Variants in SMG5 observed in about 807,000 individuals in gnomAD.
The protein encoded by SMG5 is SMG5 nonsense mediated mRNA decay factor, also known as nonsense-mediated mRNA decay factor SMG5.
A neutral mutation model predicts 122.9 loss-of-function variants in SMG5; 53 were observed. The observed-to-expected ratio is 0.43, with a 90% CI of 0.35 to 0.54. SMG5 has a LOEUF of 0.54. Among genes scored for constraint, SMG5 ranks in the 20% least tolerant of loss-of-function variants. The pLI, the probability that SMG5 is intolerant of heterozygous loss-of-function variation, is 0.01. For synonymous variants in SMG5, 477 were observed against 490.2 expected (o/e 0.97, Z 0.35); for missense variants, 1,153 against 1,285.6 (o/e 0.90, Z 1.58).
At chr1:156,260,414 AC>A in intron 15 of SMG5, 36 bp downstream of exon 15, 2 of 1,584,112 alleles carry the variant, frequency 1.3e-6, no homozygotes, top group South Asian at 1.2e-5. Flanking sequence ...TTTGTGACTG[AC>A]AAACAGAGCT....
upstream of SMG5, among the ~76,000 whole-genome samples, chr1:156,287,212 C>T (rs965752531): frequency 9.9e-5 from 15 of 152,090 alleles, no homozygotes; most frequent in African/African-American, 2.7e-4. Context: ...GTCAGGAGCT[C>T]GAGACCAGCT....
intron 16 of SMG5, among the ~76,000 whole-genome samples, chr1:156,256,102 T>G (rs1019721291): frequency 2.6e-5 from 4 of 152,106 alleles, no homozygotes; most frequent in Admixed American, 1.3e-4. Flanking sequence ...TGGACTGGAT[T>G]ACAAAGAGAA....
At chr1:156,285,134 A>G, upstream of SMG5, 5 of 1,460,228 alleles carry the variant, frequency 3.4e-6, no homozygotes, top group African/African-American at 2.8e-5. Context: ...ACCTGTCCTA[A>G]TAACTAGAAG....
upstream of SMG5, chr1:156,286,501 G>A (rs374608140): frequency 1.7e-5 from 27 of 1,608,802 alleles, no homozygotes; most frequent in African/African-American, 2.4e-4. Flanking sequence ...GTGGGGCATG[G>A]GAGAGGGGAT....
chr1:156,285,992 G>T, upstream of SMG5: 1 of 1,592,638 alleles, frequency 6.3e-7, no homozygotes, highest in Non-Finnish European at 8.6e-7. Context: ...GGGTGAGCCT[G>T]TGAGAAGAAA....
In SMG5 at chr1:156,251,473, T is replaced by C. The variant is rs1188961070; in HGVS notation, c.2758A>G (p.Ile920Val). Reference protein sequence around the residue: ...EAEFKKGNRYIRCQKEVGKSF... With the variant: ...EAEFKKGNRYVRCQKEVGKSF... The stretch of plus-strand genomic sequence containing the variant: ...TTTCCCACCTCTTTCTGGCAGCGAA[T>C]GTACCTGCAGAGGAGATGTGCGAGT... Residue 920 changes from isoleucine (I) to valine (V), a missense_variant, in exon 20 of 22, where the codon ATT becomes GTT. Ile to Val is a conservative substitution (Grantham distance 29). Transcript: ENST00000361813. 1.2e-6 allele frequency: 2 copies of C among 1,613,890 alleles called. No individual in the cohort carries two copies. The highest frequency in any genetic ancestry group is 1.7e-5 in the Admixed American group (1 of 60,008).
upstream of SMG5, among the ~76,000 whole-genome samples, chr1:156,287,463 C>G (rs980864980): frequency 6.6e-6 from 1 of 151,988 alleles, no homozygotes; most frequent in African/African-American, 2.4e-5. Context: ...GAGATGAGGT[C>G]TCAAGGTTGG....
intron 13 of SMG5, among the ~76,000 whole-genome samples, chr1:156,262,237 C>T (rs1458401073): frequency 1.3e-5 from 2 of 152,114 alleles, no homozygotes; most frequent in East Asian, 1.9e-4. Context: ...TGGCTCACGC[C>T]TGTAATCCCA....
chr1:156,265,900 C>G lies in SMG5; in HGVS notation c.1736G>C (p.Arg579Pro). The G allele has an allele frequency of 6.2e-7, 1 of 1,614,132 alleles. No homozygotes were observed. Among genetic ancestry groups the G allele is most frequent in the Non-Finnish European group, 8.5e-7 (1 of 1,180,020 alleles). Residue 579 changes from arginine to proline, a missense_variant, in exon 12 of 22, where the codon CGC becomes CCC. This residue lies in a region of SMG5 where 631 missense variants were observed against 650.6 expected (regional missense o/e 0.97). Coordinates refer to ENST00000361813, the MANE Select transcript of SMG5 (RefSeq NM_015327.3). The stretch of plus-strand genomic sequence containing the variant: ...AAAGGTGGGGGCCAGTCGGAAGCAG[C>G]GCTTAGTCTGGAACATCTGGGTGGA... ...AMSTQMFQTK[R>P]CFRLAPTFSN...
upstream of SMG5, among the ~76,000 whole-genome samples, chr1:156,284,966 C>T (rs941354760): frequency 5.9e-5 from 9 of 152,110 alleles, no homozygotes; most frequent in African/African-American, 1.4e-4. Flanking sequence ...TCCTGTTGGA[C>T]GGCATTTGAT....
At chr1:156,273,250 G>T in intron 6 of SMG5, 111 bp downstream of exon 6, 1 of 822,560 alleles carries the variant, frequency 1.2e-6, no homozygotes, top group Non-Finnish European at 2.1e-6. Context: ...AGAGAGCTGA[G>T]AATGAAGAGG....
rs1177736640 is a variant in SMG5, at chr1:156,274,641, G to A, written c.500C>T (p.Ala167Val). The change falls in exon 5 of 22, where the codon GCA becomes GTA. Residue 167 changes from alanine to valine, a missense_variant. By Grantham distance (64) the Ala-to-Val change is moderately conservative. Coordinates refer to ENST00000361813, the MANE Select transcript of SMG5 (RefSeq NM_015327.3). ...CAGACATCGGTGACATGCCATCTGTGCCCAATCCATCTCCTTCCCTGAGGC... is the reference window on the plus strand; with the variant it reads ...CAGACATCGGTGACATGCCATCTGTACCCAATCCATCTCCTTCCCTGAGGC... The part of the protein sequence containing the change: ...VSASGKEMDW[A>V]QMACHRCLVY... 3.1e-6 allele frequency: 5 copies of A among 1,613,984 alleles called. No homozygotes were observed. Among genetic ancestry groups the A allele is most frequent in the Non-Finnish European group, 3.4e-6 (4 of 1,179,896 alleles).
chr1:156,278,024 A>G lies in SMG5; in HGVS notation c.198T>C (p.Leu66=). ...RNKLRELCVK[L]MFLHPVDYGR... ...CATAGTCCACTGGGTGCAGGAACATAAGCTTGACGCAGAGCTCACGCAGCC... is the reference window on the plus strand; with the variant it reads ...CATAGTCCACTGGGTGCAGGAACATGAGCTTGACGCAGAGCTCACGCAGCC... The change falls in exon 3 of 22, where the codon CTT becomes CTC. Residue 66 remains leucine (L), a synonymous_variant. Transcript: ENST00000361813. 1.2e-6 allele frequency: 2 copies of G among 1,614,154 alleles called. No homozygotes were observed. Among genetic ancestry groups the G allele is most frequent in the Non-Finnish European group, 1.7e-6 (2 of 1,179,990 alleles).
chr1:156,288,837 C>T, the SMG5 span, among the ~76,000 whole-genome samples: 2 of 152,304 alleles, frequency 1.3e-5, no homozygotes, highest in Admixed American at 6.5e-5. Flanking sequence ...GCTCATGTAA[C>T]TTAGCCTGCC....
chr1:156,282,740 A>C lies in SMG5; in HGVS notation c.-60T>G. 1 of 1,518,376 alleles carries C rather than the reference A, an allele frequency of 6.6e-7. No individual in the cohort carries two copies. The highest frequency in any genetic ancestry group is 1.2e-5 in the South Asian group (1 of 84,680). The allele number at this position is 1,518,376 out of a possible 1,614,324, so 94.1% of individuals were successfully genotyped here. ...GCCCCTGCCACCCACCACTACCGCC[A>C]ACACTGCCGTCTCCGGCCGTAGCCG... is the stretch of plus-strand genomic sequence containing the variant. On this transcript the variant is annotated 5_prime_UTR_variant, in exon 1 of 22. Transcript: ENST00000361813.
At chr1:156,263,253 G>C in intron 13 of SMG5, 142 bp downstream of exon 13, 1 of 936,384 alleles carries the variant, frequency 1.1e-6, no homozygotes, top group South Asian at 1.8e-5. Flanking sequence ...CAGAGCATAA[G>C]GGCCCAGCAC....
Position 156,268,321 on chromosome 1 carries a change from C to T in SMG5, c.808G>A (p.Glu270Lys). The T allele has an allele frequency of 6.2e-7, 1 of 1,614,184 alleles. No individual in the cohort carries two copies. Among genetic ancestry groups the T allele is most frequent in the Non-Finnish European group, 8.5e-7 (1 of 1,180,038 alleles). Residue 270 changes from glutamate to lysine, a missense_variant, in exon 8 of 22, where the codon GAG becomes AAG. By Grantham distance (56) the Glu-to-Lys change is moderately conservative (BLOSUM62 1). Transcript: ENST00000361813. Reference protein sequence around the residue: ...AKMYHQLKKCETRKLSPGKKR... With the variant: ...AKMYHQLKKCKTRKLSPGKKR... ...TTGCCAGGAGACAGTTTCCGAGTCTCACACTTCTTCAGTTGGTGGTACATT... is the reference window on the plus strand; with the variant it reads ...TTGCCAGGAGACAGTTTCCGAGTCTTACACTTCTTCAGTTGGTGGTACATT...
rs2101538583 is a variant in SMG5 at position 156,267,686 on chromosome 1, G to A, written c.909-8C>T. ...AGCTCTGAGTCCACGGAGCTACAGA[G>A]GGGCAGGAGTAACAGGGGAGGTCAG... is the stretch of plus-strand genomic sequence containing the variant. On this transcript the variant is annotated splice_polypyrimidine_tract_variant and splice_region_variant and intron_variant, in intron 9 of 21. Transcript: ENST00000361813. The A allele has an allele frequency of 6.2e-7, 1 of 1,603,142 alleles. No individual in the cohort carries two copies. The highest frequency in any genetic ancestry group is 1.3e-5 in the African/African-American group (1 of 74,774).
At position 156,282,707 on chromosome 1, in the gene SMG5, G is replaced by A. The variant is rs1462343038; in HGVS notation, c.-27C>T. On this transcript the variant is annotated 5_prime_UTR_variant, in exon 1 of 22. Coordinates refer to ENST00000361813, the MANE Select transcript of SMG5 (RefSeq NM_015327.3). ...GTGCCCGGGTCCGGGGGCAGCTCCC[G>A]GTCACAGGCCCCTGCCACCCACCAC... The A allele has an allele frequency of 1.3e-6, 2 of 1,581,698 alleles. No individual in the cohort carries two copies. The highest frequency in any genetic ancestry group is 1.7e-6 in the Non-Finnish European group (2 of 1,170,888).
Sources: allele counts gnomAD v4.1 joint callset (sites outside exome capture counted in the v4.1 genomes callset), GRCh38; gene constraint gnomAD v4.1.1; regional missense constraint gnomAD v4.1.1; transcripts MANE v1.5; gene names NCBI Gene and HGNC (gene_info 2026-07-23, HGNC 2026-07-21).